Variants in PAXIP1 observed in about 807,000 individuals in gnomAD.
PAXIP1 encodes the protein PAX interacting protein 1.
Under a neutral mutation model 140.6 loss-of-function variants are expected in PAXIP1, and 19 were observed. That is an observed-to-expected ratio of 0.14 (90% confidence interval 0.09 to 0.20). PAXIP1 has a LOEUF of 0.20. PAXIP1 is among the 10% of genes least tolerant of loss of function. The pLI is 1.00. For synonymous variants in PAXIP1, 442 were observed against 444.6 expected (o/e 0.99, Z 0.07); for missense variants, 920 against 1,208.6 (o/e 0.76, Z 3.54).
chr7:154,991,014 G>C lies in PAXIP1; in HGVS notation c.316C>G (p.Leu106Val). 6.5e-7 allele frequency: 1 copy of C among 1,549,548 alleles called. No individual in the cohort carries two copies. The highest frequency in any genetic ancestry group is 8.7e-7 in the Non-Finnish European group (1 of 1,143,264). ...ACTGTAACCATGCTTACCTGAGAAA[G>C]GCAGGCAGTGATTCCAAAAAAAATC... ...CQIFFGITACLSQVSSEDRSA... is the reference protein window; with the variant it reads ...CQIFFGITACVSQVSSEDRSA... Residue 106 changes from leucine to valine, a missense_variant, in exon 4 of 21, where the codon CTT becomes GTT. Coordinates refer to ENST00000404141, the MANE Select transcript of PAXIP1 (RefSeq NM_007349.4).
chr7:154,983,514 C>T, intron 4 of PAXIP1, 182 bp from the exon 5 acceptor site: 2 of 501,058 alleles, frequency 4.0e-6, no homozygotes. Context: ...AACTTCACTC[C>T]TATCATAATA....
rs1384629159 is a variant in PAXIP1 at position 154,976,352 on chromosome 7, C to T, written c.439-21G>A. 5.2e-6 allele frequency: 8 copies of T among 1,539,986 alleles called. No homozygotes were observed. The African/African-American group carries it at 1.1e-4, about 21-fold the overall frequency. ...TTCTCCTACGAGGAAAGCAGAAACA[C>T]ACACAAAACAAAGCTGTAAATTTTA... is the stretch of plus-strand genomic sequence containing the variant. On this transcript the variant is annotated intron_variant, in intron 5 of 20. Transcript: ENST00000404141.
chr7:155,002,395 G>A (rs1021194801), intron 1 of PAXIP1, among the ~76,000 whole-genome samples: 1 of 152,104 alleles, frequency 6.6e-6, no homozygotes, highest in African/African-American at 2.4e-5. Flanking sequence ...CCGGCCGAGC[G>A]AGGCTGGGGT....
In PAXIP1 at chr7:154,986,552, C is replaced by T. The variant is rs550797628; in HGVS notation, c.325-3220G>A. ...TCAAGGATTTGTTGGACCAAAGTCC[C>T]TTAGCTGCACACTGTACATATGTTG... is the stretch of plus-strand genomic sequence containing the variant. On this transcript the variant is annotated intron_variant, in intron 4 of 20. Coordinates refer to ENST00000404141, the MANE Select transcript of PAXIP1 (RefSeq NM_007349.4). This position sits in a 1 kb window ranked among gnomAD's most constrained non-coding sequence, Gnocchi z 4.8. 6.6e-6 allele frequency among the ~76,000 whole-genome samples: 1 copy of T among 152,294 alleles called. No individual in the cohort carries two copies. The highest frequency in any genetic ancestry group is 2.4e-5 in the African/African-American group (1 of 41,554).
At chr7:155,001,041 A>G (rs140802279) in intron 1 of PAXIP1, 2 of 152,362 alleles carry the variant, frequency 1.3e-5, no homozygotes, top group Non-Finnish European at 2.9e-5. Context: ...CCTCTGTATT[A>G]TACCTGGCAC....
chr7:154,963,993 A>C lies in PAXIP1; in HGVS notation c.1894-227T>G, dbSNP rs1273115406. The C allele has an allele frequency of 2.0e-6, 1 of 493,978 alleles. No individual in the cohort carries two copies. The highest frequency in any genetic ancestry group is 3.7e-6 in the Non-Finnish European group (1 of 270,960). The allele number at this position is 493,978 out of a possible 1,614,324, so 30.6% of individuals were successfully genotyped here. On this transcript the variant is annotated intron_variant, in intron 8 of 20. Transcript: ENST00000404141. The surrounding 1 kb of genome is among the most constrained non-coding windows in gnomAD (Gnocchi z 4.1). ...ATTTAATCTGAATTCCCAGGATACA[A>C]GAGAAGAACAATGGAATGCACTCCA...
At chr7:154,978,744 T>C (rs1485657032) in intron 5 of PAXIP1, among the ~76,000 whole-genome samples, 2 of 152,182 alleles carry the variant, frequency 1.3e-5, no homozygotes, top group Non-Finnish European at 2.9e-5. Flanking sequence ...TAAAAAGATA[T>C]CTGTTGAAAT....
Position 154,983,296 on chromosome 7 carries a change from C to A in PAXIP1, c.361G>T (p.Val121Phe), listed in dbSNP as rs375107349. Reference protein sequence around the residue: ...SEDRSALWALVTFYGGDCQLT... With the variant: ...SEDRSALWALFTFYGGDCQLT... ...TGGCAATCTCCCCCATAGAACGTAACCAAAGCCCACAGGGCACTTCTGTCT... is the reference window on the plus strand; with the variant it reads ...TGGCAATCTCCCCCATAGAACGTAAACAAAGCCCACAGGGCACTTCTGTCT... Residue 121 changes from valine (V) to phenylalanine (F), a missense_variant, in exon 5 of 21, where the codon GTT (valine) becomes TTT (phenylalanine). Physicochemically the swap from Val to Phe is conservative, Grantham distance 50. This residue lies in a region of PAXIP1 where 419 missense variants were observed against 514.7 expected (regional missense o/e 0.81). Transcript: ENST00000404141. 1.5e-5 allele frequency: 24 copies of A among 1,611,484 alleles called. No homozygotes were observed. Among genetic ancestry groups the A allele is most frequent in the Non-Finnish European group, 2.0e-5 (24 of 1,178,210 alleles).
At chr7:154,947,812 C>T (rs998533380) in intron 17 of PAXIP1, 91 bp downstream of exon 17, 41 of 918,518 alleles carry the variant, frequency 4.5e-5, no homozygotes, top group African/African-American at 2.4e-4. Context: ...CCCCTGGAGG[C>T]GCACTTCCCA....
intron 17 of PAXIP1, 191 bp downstream of exon 17, chr7:154,947,712 G>T: frequency 3.6e-6 from 2 of 562,098 alleles, no homozygotes; most frequent in Admixed American, 6.1e-5. Flanking sequence ...GTTCTCTAGA[G>T]ATGTGCTGTG....
Position 154,975,906 on chromosome 7 carries a change from C to T in PAXIP1, c.864G>A (p.Gly288=). Residue 288 remains glycine, a synonymous_variant, in exon 6 of 21, where the codon GGG becomes GGA. Transcript: ENST00000404141. ...KRRLPQGKEP[G]LINLCANVPP... is the part of the protein sequence containing the mutation. ...GGACATTGGCACACAAGTTAATCAA[C>T]CCAGGCTCCTTTCCCTGAGGCAGCC... 1 of 1,613,992 alleles carries T rather than the reference C, an allele frequency of 6.2e-7. No individual in the cohort carries two copies. Among genetic ancestry groups the T allele is most frequent in the Non-Finnish European group, 8.5e-7 (1 of 1,179,888 alleles).
At position 154,954,307 on chromosome 7, in the gene PAXIP1, G is replaced by A. The variant is rs2150744085; in HGVS notation, c.2769C>T (p.His923=). The A allele has an allele frequency of 6.2e-7, 1 of 1,602,188 alleles. No individual in the cohort carries two copies. The highest frequency in any genetic ancestry group is 8.5e-7 in the Non-Finnish European group (1 of 1,171,780). ...CTTCCAGCCACTCTGGCGTCACTAT[G>A]TGCTTCACGACAGAAATCGCCGTCA... The part of the protein sequence containing the change: ...KFLTAISVVK[H]IVTPEWLEEC... Residue 923 remains histidine, a synonymous_variant, in exon 16 of 21, where the codon CAC becomes CAT. Transcript: ENST00000404141. This position sits in a 1 kb window ranked among gnomAD's most constrained non-coding sequence, Gnocchi z 5.1.
chr7:154,994,258 A>G (rs1810475752), intron 2 of PAXIP1, among the ~76,000 whole-genome samples: 1 of 152,224 alleles, frequency 6.6e-6, no homozygotes, highest in Non-Finnish European at 1.5e-5. Context: ...AACTGAGATT[A>G]ATTATAAAAC....
At chr7:154,991,150 CGTCCCCACTCA>C (rs1810310599) in intron 3 of PAXIP1, 81 bp from the exon 4 acceptor site, 1 of 650,464 alleles carries the variant, frequency 1.5e-6, no homozygotes, top group Non-Finnish European at 2.6e-6. Context: ...CCACCCACTC[CGTCCCCACTCA>C]GTCCATTTAA....
chr7:154,991,998 A>T (rs1264003993), intron 3 of PAXIP1, among the ~76,000 whole-genome samples: 1 of 152,196 alleles, frequency 6.6e-6, no homozygotes, highest in African/African-American at 2.4e-5. Context: ...AAAACTCTGA[A>T]GACTGCAATG....
At position 154,963,922 on chromosome 7, in the gene PAXIP1, T is replaced by C. The variant is rs1418982512; in HGVS notation, c.1894-156A>G. 1.6e-6 allele frequency: 1 copy of C among 612,318 alleles called. No individual in the cohort carries two copies. The highest frequency in any genetic ancestry group is 3.0e-6 in the Non-Finnish European group (1 of 337,020). The allele number at this position is 612,318 out of a possible 1,614,324, so 37.9% of individuals were successfully genotyped here. A position where few individuals can be genotyped will look rare whatever the true frequency, so the allele number is the denominator to read the frequency against. Reference sequence around the variant, plus strand: ...ACATGTAACAGTTCTATTTACGGACTTTTCTACCCAGCACCATACAATGAA... The same window carrying C: ...ACATGTAACAGTTCTATTTACGGACCTTTCTACCCAGCACCATACAATGAA... On this transcript the variant is annotated intron_variant, in intron 8 of 20. Transcript: ENST00000404141. This position sits in a 1 kb window ranked among gnomAD's most constrained non-coding sequence, Gnocchi z 4.1.
chr7:154,997,015 A>C (rs182317965), intron 2 of PAXIP1, among the ~76,000 whole-genome samples: 1 of 152,134 alleles, frequency 6.6e-6, no homozygotes, highest in Non-Finnish European at 1.5e-5. Flanking sequence ...TGAGAGAAAG[A>C]AAGTTTGTAG....
chr7:154,984,789 GA>G (rs1809994153), intron 4 of PAXIP1, among the ~76,000 whole-genome samples: 1 of 152,060 alleles, frequency 6.6e-6, no homozygotes, highest in Non-Finnish European at 1.5e-5. Context: ...TATTAAAAAT[GA>G]AATTAAAAAA....
Position 154,948,109 on chromosome 7 carries a change from AC to A in PAXIP1, c.2822-107del, listed in dbSNP as rs1380764863. On this transcript the variant is annotated intron_variant, in intron 16 of 20. Transcript: ENST00000404141. ...TATTCAGGTACATAATATTACAGCTACATTTACCTGTACAGCCTTCGGATAT... is the reference window on the plus strand; with the variant it reads ...TATTCAGGTACATAATATTACAGCTAATTTACCTGTACAGCCTTCGGATAT... 3.9e-6 allele frequency: 3 copies of A among 761,490 alleles called. No homozygotes were observed. In the African/African-American group the frequency reaches 5.1e-5, roughly 13 times the overall value. 47.2% of individuals were successfully genotyped at this position (761,490 alleles called of 1,614,324 possible). A position where few individuals can be genotyped will look rare whatever the true frequency, so the allele number is the denominator to read the frequency against.
Sources: allele counts gnomAD v4.1 joint callset (sites outside exome capture counted in the v4.1 genomes callset), GRCh38; gene constraint gnomAD v4.1.1; regional missense constraint gnomAD v4.1.1; non-coding constraint Gnocchi (gnomAD v3.1); transcripts MANE v1.5; gene names NCBI Gene and HGNC (gene_info 2026-07-23, HGNC 2026-07-21).